APOB: variants seen among roughly 807,000 people sequenced by gnomAD.
APOB encodes apolipoprotein B-100.
In APOB, 153 loss-of-function variants were observed where a neutral mutation model predicts 314.1. The observed-to-expected ratio is 0.49, with a 90% CI of 0.43 to 0.56. The LOEUF is 0.56. Among genes scored for constraint, APOB ranks in the 20% least tolerant of loss-of-function variants. The pLI is 0.00. For missense variants in APOB, 5,430 were observed against 5,350.7 expected (o/e 1.01, Z -0.46); for synonymous variants, 2,087 against 2,036.4 (o/e 1.02, Z -0.67).
chr2:21,009,478 C>T lies in APOB; in HGVS notation c.7390G>A (p.Glu2464Lys), dbSNP rs773108442. 2 of 1,614,086 alleles carry T rather than the reference C, an allele frequency of 1.2e-6. No homozygotes were observed. Among genetic ancestry groups the T allele is most frequent in the South Asian group, 2.2e-5 (2 of 91,078 alleles). Residue 2464 changes from glutamate (E) to lysine (K), a missense_variant, in exon 26 of 29, where the codon GAA (glutamate) becomes AAA (lysine). Around this residue, in one of 3 missense-constraint regions of APOB, gnomAD observed 3,281 missense variants for 3,171.0 expected, o/e 1.03. Transcript: ENST00000233242. ...TCCTCTAAAAACAGTTTTAATGCTT[C>T]AGCTTTTTGTGGTAGTTCCAGAGCC... ...IQALELPQKA[E>K]ALKLFLEETK...
At chr2:21,026,457 C>T (rs1164597071) in intron 15 of APOB, among the ~76,000 whole-genome samples, 2 of 151,980 alleles carry the variant, frequency 1.3e-5, no homozygotes, top group African/African-American at 4.8e-5. Context: ...AGTATGTTGG[C>T]CAGGCTGGTC....
chr2:21,029,855 G>T, intron 11 of APOB, 43 bp downstream of exon 11: 1 of 1,610,494 alleles, frequency 6.2e-7, no homozygotes, highest in Non-Finnish European at 8.5e-7. Context: ...TCCAGGAAAA[G>T]TGCTTCTGAA....
intron 12 of APOB, among the ~76,000 whole-genome samples, chr2:21,029,114 G>A (rs562865632): frequency 1.2e-3 from 185 of 152,320 alleles, no homozygotes; most frequent in Non-Finnish European, 2.1e-3. Flanking sequence ...GTCACATACT[G>A]CTAGGCAGTC....
intron 18 of APOB, 138 bp downstream of exon 18, chr2:21,022,693 A>G: frequency 1.3e-6 from 1 of 756,476 alleles, no homozygotes; most frequent in South Asian, 1.6e-5. Flanking sequence ...GTAACCCGGA[A>G]TCTTTCCTTT....
intron 21 of APOB, among the ~76,000 whole-genome samples, chr2:21,016,212 C>G (rs1379651233): frequency 6.6e-6 from 1 of 151,794 alleles, no homozygotes; most frequent in East Asian, 1.9e-4. Flanking sequence ...CACTTGAACT[C>G]GGGAGGCGGA....
In APOB at chr2:21,002,128, AG is replaced by A; in HGVS notation, c.13293del (p.Phe4432LeufsTer45). Reference sequence around the variant, plus strand: ...ACTTGACTTGAGAGTTGGGAAGTAAAGTTAGAGGCACTGACAATATATTCAG... The same window carrying A: ...ACTTGACTTGAGAGTTGGGAAGTAAATTAGAGGCACTGACAATATATTCAG... ...FHSEYIVSAS[N>X]FTSQLSSQVE... On this transcript the variant is annotated frameshift_variant, in exon 29 of 29. Coordinates refer to ENST00000233242, the MANE Select transcript of APOB (RefSeq NM_000384.3). LOFTEE classifies it low-confidence loss of function (END_TRUNC). 2 of 1,613,970 alleles carry A rather than the reference AG, an allele frequency of 1.2e-6. No homozygotes were observed. Among genetic ancestry groups the A allele is most frequent in the Non-Finnish European group, 1.7e-6 (2 of 1,179,968 alleles).
At position 21,008,189 on chromosome 2, in the gene APOB, C is replaced by T; in HGVS notation, c.8679G>A (p.Leu2893=). The change falls in exon 26 of 29, where the codon TTG becomes TTA. Residue 2893 remains leucine, a synonymous_variant. Coordinates refer to ENST00000233242, the MANE Select transcript of APOB (RefSeq NM_000384.3). ...LDSNTKYFHK[L]NIPKLDFSSQ... ...TAGAGAAGTCCAGTTTGGGGATGTTCAATTTGTGGAAGTATTTAGTGTTGC... is the reference window on the plus strand; with the variant it reads ...TAGAGAAGTCCAGTTTGGGGATGTTTAATTTGTGGAAGTATTTAGTGTTGC... The T allele has an allele frequency of 6.2e-7, 1 of 1,613,964 alleles. No homozygotes were observed. Among genetic ancestry groups the T allele is most frequent in the Admixed American group, 1.7e-5 (1 of 60,000 alleles).
chr2:21,014,375 T>A, intron 24 of APOB, 73 bp downstream of exon 24: 1 of 1,562,974 alleles, frequency 6.4e-7, no homozygotes, highest in Non-Finnish European at 8.8e-7. Flanking sequence ...TAAAAAAATG[T>A]CTAAATCATG....
chr2:21,043,698 C>G lies in APOB; in HGVS notation c.83-147G>C, dbSNP rs1236980014. ...CCCTCCTCAGCCCCTCCATCCCGCG[C>G]CCCCCATCCTGAGCCTGCAGGGGCC... On this transcript the variant is annotated intron_variant, in intron 1 of 28. Coordinates refer to ENST00000233242, the MANE Select transcript of APOB (RefSeq NM_000384.3). 8.0e-6 allele frequency: 12 copies of G among 1,495,604 alleles called. No homozygotes were observed. The Admixed American group carries it at 2.4e-4, about 29-fold the overall frequency. 92.6% of individuals were successfully genotyped at this position (1,495,604 alleles called of 1,614,324 possible).
Position 21,011,732 on chromosome 2 carries a change from A to C in APOB, c.5136T>G (p.Ser1712Arg). 6.2e-7 allele frequency: 1 copy of C among 1,614,130 alleles called. No individual in the cohort carries two copies. ...CACCCAGAATCATGGCCTGATAAGC[A>C]CTTCCCAGTGATAGCTCTGTGAGGG... The part of the protein sequence containing the change: ...KAALTELSLG[S>R]AYQAMILGVD... The change falls in exon 26 of 29, where the codon AGT (serine) becomes AGG (arginine). Residue 1712 changes from serine (S) to arginine (R), a missense_variant. Coordinates refer to ENST00000233242, the MANE Select transcript of APOB (RefSeq NM_000384.3).
At position 21,008,018 on chromosome 2, in the gene APOB, T is replaced by C. The variant is rs1663195430; in HGVS notation, c.8850A>G (p.Ile2950Met). The C allele has an allele frequency of 6.2e-7, 1 of 1,614,110 alleles. No individual in the cohort carries two copies. Among genetic ancestry groups the C allele is most frequent in the Non-Finnish European group, 8.5e-7 (1 of 1,179,950 alleles). Residue 2950 changes from isoleucine (I) to methionine (M), a missense_variant, in exon 26 of 29, where the codon ATA becomes ATG. Ile to Met is a conservative substitution (Grantham distance 10). This residue lies in a region of APOB where 3,281 missense variants were observed against 3,171.0 expected (regional missense o/e 1.03). Coordinates refer to ENST00000233242, the MANE Select transcript of APOB (RefSeq NM_000384.3). ...GTHESQISFTIEGPLTSFGLS... is the reference protein window; with the variant it reads ...GTHESQISFTMEGPLTSFGLS... ...GTCCAAAGGAAGTGAGGGGTCCTTC[T>C]ATGGTGAAACTAATTTGTGATTCAT...
rs756605601 is a variant in APOB at position 21,027,996 on chromosome 2, G to A, written c.1899C>T (p.Phe633=). 1 of 1,614,174 alleles carries A rather than the reference G, an allele frequency of 6.2e-7. No individual in the cohort carries two copies. The change falls in exon 14 of 29, where the codon TTC becomes TTT. Residue 633 remains phenylalanine (F), a synonymous_variant. Transcript: ENST00000233242. ...ATTTGTAGAGTTGATAGTTCCGAGA[G>A]AATTTTCTGAAGTCCATGACAGTTG... ...QLPTVMDFRK[F]SRNYQLYKSV...
intron 3 of APOB, among the ~76,000 whole-genome samples, chr2:21,041,863 A>C (rs937940274): frequency 6.6e-6 from 1 of 152,218 alleles, no homozygotes; most frequent in Non-Finnish European, 1.5e-5. Context: ...CTCCACATGT[A>C]TGTAACATGA....
intron 1 of APOB, 123 bp from the exon 2 acceptor site, chr2:21,043,674 C>A (rs1447654742): frequency 1.3e-6 from 2 of 1,499,766 alleles, no homozygotes; most frequent in African/African-American, 2.8e-5. Context: ...CCGGAGACCC[C>A]CTCCTCAGCC....
At position 21,043,551 on chromosome 2, in the gene APOB, T is replaced by A. The variant is rs2103389992; in HGVS notation, c.83A>T (p.Glu28Val). The A allele has an allele frequency of 6.2e-7, 1 of 1,602,396 alleles. No individual in the cohort carries two copies. The highest frequency in any genetic ancestry group is 1.7e-4 in the Middle Eastern group (1 of 6,048). Reference sequence around the variant, plus strand: ...GCTGACATTTTCCAGCATTTCCTCTTCTGTAAGACAGGAGAAAGAAATCTG... The same window carrying A: ...GCTGACATTTTCCAGCATTTCCTCTACTGTAAGACAGGAGAAAGAAATCTG... Reference protein sequence around the residue: ...LLLLLAGARAEEEMLENVSLV... With the variant: ...LLLLLAGARAVEEMLENVSLV... Residue 28 changes from glutamate (E) to valine (V), a missense_variant and splice_region_variant, in exon 2 of 29, where the codon GAA (glutamate) becomes GTA (valine). Coordinates refer to ENST00000233242, the MANE Select transcript of APOB (RefSeq NM_000384.3).
intron 6 of APOB, among the ~76,000 whole-genome samples, chr2:21,035,931 T>C (rs1438228009): frequency 3.9e-5 from 6 of 152,196 alleles, no homozygotes; most frequent in Non-Finnish European, 8.8e-5. Context: ...CACTGGACAA[T>C]GTCTAAACTT....
chr2:21,002,653 A>C lies in APOB; in HGVS notation c.12769T>G (p.Leu4257Val). The C allele has an allele frequency of 1.2e-6, 2 of 1,613,682 alleles. No individual in the cohort carries two copies. The highest frequency in any genetic ancestry group is 1.1e-5 in the South Asian group (1 of 91,028). Residue 4257 changes from leucine (L) to valine (V), a missense_variant, in exon 29 of 29, where the codon TTA (leucine) becomes GTA (valine). Coordinates refer to ENST00000233242, the MANE Select transcript of APOB (RefSeq NM_000384.3). ...QDLVITLPFELRKHKLIDVIS... is the reference protein window; with the variant it reads ...QDLVITLPFEVRKHKLIDVIS... ...ACATCTATTAGTTTATGTTTCCTTA[A>C]CTCGAAAGGAAGTGTAATCACTAGG...
intron 15 of APOB, among the ~76,000 whole-genome samples, chr2:21,026,069 C>T (rs1298709714): frequency 6.6e-6 from 1 of 152,200 alleles, no homozygotes; most frequent in Non-Finnish European, 1.5e-5. Context: ...CAGCATCAGG[C>T]ACTGTGCTTG....
intron 13 of APOB, 93 bp from the exon 14 acceptor site, chr2:21,028,158 C>T: frequency 8.5e-7 from 1 of 1,180,308 alleles, no homozygotes; most frequent in East Asian, 2.3e-5. Flanking sequence ...CAATCACTAC[C>T]AAAATGTCTT....
Sources: allele counts gnomAD v4.1 joint callset (sites outside exome capture counted in the v4.1 genomes callset), GRCh38; gene constraint gnomAD v4.1.1; regional missense constraint gnomAD v4.1.1; transcripts MANE v1.5; gene names NCBI Gene and HGNC (gene_info 2026-07-23, HGNC 2026-07-21).